The following RPE65 variants were observed in gnomAD, a reference collection of about 807,000 sequenced individuals.
RPE65 encodes the protein retinoid isomerohydrolase.
A neutral mutation model predicts 68.5 loss-of-function variants in RPE65; 58 were observed. The ratio of observed to expected loss-of-function variants is 0.85; its 90% CI spans 0.69 to 1.05. The LOEUF is 1.05. RPE65 is among the 50% of genes least tolerant of loss of function. The pLI is 0.00. For synonymous variants in RPE65, 220 were observed against 222.2 expected, an observed-to-expected ratio of 0.99 and a Z score of 0.09; for missense variants, 643 against 629.9, an observed-to-expected ratio of 1.02 and a Z score of -0.22.
intron 10 of RPE65, among the ~76,000 whole-genome samples, chr1:68,435,722 A>G (rs1388260539): frequency 6.6e-6 from 1 of 152,156 alleles, no homozygotes; most frequent in African/African-American, 2.4e-5. Context: ...ATTACTGCCC[A>G]TTGCAAATAA....
At chr1:68,447,796 G>C (rs905525373) in intron 2 of RPE65, among the ~76,000 whole-genome samples, 2 of 152,158 alleles carry the variant, frequency 1.3e-5, no homozygotes, top group Non-Finnish European at 2.9e-5. Flanking sequence ...CTTGCAGTGA[G>C]CTGAGATCAT....
In RPE65 at chr1:68,432,064, A is replaced by G. The variant is rs566218524; in HGVS notation, c.1129-479T>C. 9.2e-5 allele frequency among the ~76,000 whole-genome samples: 14 copies of G among 151,886 alleles called. No individual in the cohort carries two copies. The East Asian group carries it at 2.5e-3, about 27-fold the overall frequency. ...AAAATCCTTACAGTTATGTTGACAAAAAGAAAAAAAAAAAACGCTGGACCA... is the reference window on the plus strand; with the variant it reads ...AAAATCCTTACAGTTATGTTGACAAGAAGAAAAAAAAAAAACGCTGGACCA... On this transcript the variant is annotated intron_variant, in intron 10 of 13. Transcript: ENST00000262340.
intron 10 of RPE65, among the ~76,000 whole-genome samples, chr1:68,435,640 CCTAT>C (rs1439948305): frequency 5.3e-5 from 8 of 152,204 alleles, no homozygotes; most frequent in Admixed American, 4.6e-4. Flanking sequence ...TCCCTCTCCA[CCTAT>C]CTGTCTTTCC....
chr1:68,439,603 T>G lies in RPE65; in HGVS notation c.683A>C (p.Gln228Pro), dbSNP rs886046510. The change falls in exon 7 of 14, where the codon CAA becomes CCA. Residue 228 changes from glutamine (Q) to proline (P), a missense_variant. Gln to Pro is a moderately conservative substitution (Grantham distance 76). Transcript: ENST00000262340. ...DPISKSEIVV[Q>P]FPCSDRFKPS... ...CTTGAATCGGTCACTGCAGGGGAAT[T>G]GTACAACGATCTCTGACTTGCTTAT... 3 of 1,613,982 alleles carry G rather than the reference T, an allele frequency of 1.9e-6. No homozygotes were observed. In the East Asian group the frequency reaches 6.7e-5, roughly 36 times the overall value.
chr1:68,442,530 T>A (rs1174194934), intron 5 of RPE65, among the ~76,000 whole-genome samples: 2 of 152,242 alleles, frequency 1.3e-5, no homozygotes, highest in African/African-American at 4.8e-5. Flanking sequence ...AAAAAATTGC[T>A]ACTGCTGCCT....
chr1:68,442,160 G>A (rs923348457), intron 5 of RPE65, among the ~76,000 whole-genome samples: 1 of 152,180 alleles, frequency 6.6e-6, no homozygotes, highest in African/African-American at 2.4e-5. Context: ...CAATAAGCCG[G>A]TGTAAAGCAC....
chr1:68,431,906 C>A (rs1257420221), intron 10 of RPE65, among the ~76,000 whole-genome samples: 1 of 151,614 alleles, frequency 6.6e-6, no homozygotes, highest in African/African-American at 2.4e-5. Context: ...AAAAACCAAA[C>A]AAAAATCTCA....
At chr1:68,446,947 T>G (rs1645947178) in intron 2 of RPE65, 87 bp from the exon 3 acceptor site, 1 of 1,545,996 alleles carries the variant, frequency 6.5e-7, no homozygotes, top group Non-Finnish European at 8.9e-7. Context: ...ATCAGCAGCC[T>G]GATTGGGCAG....
At chr1:68,447,636 C>A (rs988275371) in intron 2 of RPE65, among the ~76,000 whole-genome samples, 2 of 152,040 alleles carry the variant, frequency 1.3e-5, no homozygotes, top group African/African-American at 2.4e-5. Context: ...CCTAGGCGGG[C>A]GGATCACGAG....
chr1:68,431,796 A>G (rs917119010), intron 10 of RPE65, among the ~76,000 whole-genome samples: 6 of 152,084 alleles, frequency 3.9e-5, no homozygotes, highest in African/African-American at 1.4e-4. Flanking sequence ...TGGGAAAGTC[A>G]CATAACCTCT....
At chr1:68,444,442 C>A in intron 5 of RPE65, 89 bp downstream of exon 5, 1 of 1,514,626 alleles carries the variant, frequency 6.6e-7, no homozygotes, top group South Asian at 1.1e-5. Context: ...AAGTTAGAAT[C>A]ATACATTCGC....
At chr1:68,434,646 T>C (rs1199086111) in intron 10 of RPE65, among the ~76,000 whole-genome samples, 1 of 149,430 alleles carries the variant, frequency 6.7e-6, no homozygotes, top group Admixed American at 6.7e-5. Flanking sequence ...GTTTAATATA[T>C]TATTTATGTG....
At chr1:68,441,530 T>C (rs78507000) in intron 5 of RPE65, among the ~76,000 whole-genome samples, 13,467 of 152,086 alleles carry the variant, frequency 0.089, 883 homozygotes, top group East Asian at 0.24. Flanking sequence ...AGGAGAACCA[T>C]GGATCTCTTT....
chr1:68,449,502 C>T (rs1416234212), intron 1 of RPE65, among the ~76,000 whole-genome samples: 1 of 152,182 alleles, frequency 6.6e-6, no homozygotes, highest in Non-Finnish European at 1.5e-5. Context: ...ATGGTATTAT[C>T]TCTTTTAAAT....
chr1:68,435,519 C>G (rs189266733), intron 10 of RPE65, among the ~76,000 whole-genome samples: 20 of 152,250 alleles, frequency 1.3e-4, no homozygotes, highest in African/African-American at 4.8e-4. Flanking sequence ...CTTAGCCTGG[C>G]CTTAAAGCCT....
At chr1:68,445,534 G>C (rs1019710752) in intron 3 of RPE65, among the ~76,000 whole-genome samples, 2 of 151,682 alleles carry the variant, frequency 1.3e-5, no homozygotes, top group Non-Finnish European at 2.9e-5. Context: ...ATTAATTTGA[G>C]ATGGAGTCTT....
chr1:68,430,068 T>C, intron 13 of RPE65, 141 bp from the exon 14 acceptor site: 3 of 1,069,308 alleles, frequency 2.8e-6, no homozygotes, highest in Non-Finnish European at 4.0e-6. Context: ...CTGACTCTTG[T>C]ACCACCTGGC....
At position 68,444,776 on chromosome 1, in the gene RPE65, C is replaced by T. The variant is rs1381010953; in HGVS notation, c.353G>A (p.Arg118Lys). 3.1e-6 allele frequency: 5 copies of T among 1,614,120 alleles called. No individual in the cohort carries two copies. Among genetic ancestry groups the T allele is most frequent in the South Asian group, 2.2e-5 (2 of 91,082 alleles). Reference protein sequence around the residue: ...FPDPCKNIFSRFFSYFRGVEV... With the variant: ...FPDPCKNIFSKFFSYFRGVEV... ...TAACATTCAGTTTGGGTTCAGTAACCTGGAAAATATATTCTTGCAGGGATC... is the reference window on the plus strand; with the variant it reads ...TAACATTCAGTTTGGGTTCAGTAACTTGGAAAATATATTCTTGCAGGGATC... The change falls in exon 4 of 14, where the codon AGG becomes AAG. Residue 118 changes from arginine (R) to lysine (K), a missense_variant and splice_region_variant. Coordinates refer to ENST00000262340, the MANE Select transcript of RPE65 (RefSeq NM_000329.3).
intron 6 of RPE65, among the ~76,000 whole-genome samples, chr1:68,440,457 C>T (rs1237698568): frequency 6.6e-6 from 1 of 152,058 alleles, no homozygotes; most frequent in Non-Finnish European, 1.5e-5. Context: ...ATATTTAGTA[C>T]ACTCTCATAT....
Sources: allele counts gnomAD v4.1 joint callset (sites outside exome capture counted in the v4.1 genomes callset), GRCh38; gene constraint gnomAD v4.1.1; transcripts MANE v1.5; gene names NCBI Gene and HGNC (gene_info 2026-07-23, HGNC 2026-07-21).